PUS10: variants seen among roughly 807,000 people sequenced by gnomAD.
PUS10 encodes the protein pseudouridine synthase 10.
PUS10 carries 59 observed loss-of-function variants against 75.0 expected under a neutral mutation model. The ratio of observed to expected loss-of-function variants is 0.79; its 90% CI spans 0.64 to 0.98. PUS10 has a LOEUF of 0.98. Among genes scored for constraint, PUS10 ranks in the 50% least tolerant of loss-of-function variants. PUS10 has a pLI of 0.00. For missense variants in PUS10, 650 were observed against 614.4 expected (o/e 1.06, Z -0.61); for synonymous variants, 219 against 211.6 (o/e 1.03, Z -0.30).
At chr2:61,005,086 C>G (rs1459588594) in intron 4 of PUS10, among the ~76,000 whole-genome samples, 1 of 152,134 alleles carries the variant, frequency 6.6e-6, no homozygotes, top group African/African-American at 2.4e-5. Context: ...GAAACCCCGT[C>G]TCTACTAAAA....
At chr2:60,976,579 A>G (rs1258938087) in intron 4 of PUS10, among the ~76,000 whole-genome samples, 2 of 152,268 alleles carry the variant, frequency 1.3e-5, no homozygotes, top group Non-Finnish European at 2.9e-5. Flanking sequence ...CATGTGTAAC[A>G]CATGAAATTA....
chr2:60,952,982 G>T lies in PUS10; in HGVS notation c.1308+15C>A. The T allele has an allele frequency of 1.6e-6, 2 of 1,244,280 alleles. No individual in the cohort carries two copies. The highest frequency in any genetic ancestry group is 2.3e-6 in the Non-Finnish European group (2 of 851,830). The allele number at this position is 1,244,280 out of a possible 1,614,324, so 77.1% of individuals were successfully genotyped here. The stretch of plus-strand genomic sequence containing the variant: ...CAGAAAAATGAAATAAAAAGAATAA[G>T]CACACTTAAACTACCTTTATGTCAT... On this transcript the variant is annotated intron_variant, in intron 15 of 17. Coordinates refer to ENST00000316752, the MANE Select transcript of PUS10 (RefSeq NM_144709.4).
At chr2:61,007,858 G>A (rs1018608220) in intron 3 of PUS10, among the ~76,000 whole-genome samples, 9 of 151,592 alleles carry the variant, frequency 5.9e-5, no homozygotes, top group Admixed American at 2.0e-4. Flanking sequence ...CAAGGCGGGC[G>A]GATCACGAGG....
intron 12 of PUS10, among the ~76,000 whole-genome samples, chr2:60,954,693 G>A (rs1675542797): frequency 6.6e-6 from 1 of 152,174 alleles, no homozygotes; most frequent in Admixed American, 6.5e-5. Context: ...AAACTGTACT[G>A]GTCCTTCTGA....
At chr2:60,997,015 G>T (rs143778013) in intron 4 of PUS10, among the ~76,000 whole-genome samples, 3 of 152,186 alleles carry the variant, frequency 2.0e-5, no homozygotes, top group Non-Finnish European at 4.4e-5. Context: ...GGGGAGTCCT[G>T]TTCTAGCTGA....
At position 61,017,692 on chromosome 2, in the gene PUS10, C is replaced by T. The variant is rs571713221; in HGVS notation, c.-16+316G>A. On this transcript the variant is annotated intron_variant, in intron 1 of 17. Transcript: ENST00000316752. The stretch of plus-strand genomic sequence containing the variant: ...TGTTCTGCCCGTTGTGTCTTACGCT[C>T]CAGGTGCTGGTCTACGCGGGCCTGG... The T allele has an allele frequency of 1.2e-3, 1,572 of 1,295,270 alleles. 11 individuals are homozygous for T. The highest frequency in any genetic ancestry group is 1.3e-3 in the Admixed American group (64 of 48,556). 80.2% of individuals were successfully genotyped at this position (1,295,270 alleles called of 1,614,324 possible).
intron 16 of PUS10, among the ~76,000 whole-genome samples, chr2:60,945,897 A>C (rs1260062450): frequency 6.6e-6 from 1 of 152,238 alleles, no homozygotes; most frequent in Non-Finnish European, 1.5e-5. Flanking sequence ...TTTGTTCTAC[A>C]AACCAGCATT....
rs748045413 is a variant in PUS10, at chr2:60,965,052, C to A, written c.723+6G>T. The A allele has an allele frequency of 4.3e-6, 7 of 1,613,314 alleles. No homozygotes were observed. The Admixed American group carries it at 6.7e-5, about 15-fold the overall frequency. ...TCAAGACTAAGAAGCGGGAACCTTT[C>A]CTTACCTGTTTGTTTTTGGCTGGCT... On this transcript the variant is annotated splice_donor_region_variant and intron_variant, in intron 8 of 17. Coordinates refer to ENST00000316752, the MANE Select transcript of PUS10 (RefSeq NM_144709.4).
intron 1 of PUS10, among the ~76,000 whole-genome samples, chr2:61,016,190 C>A (rs947466221): frequency 6.6e-6 from 1 of 152,102 alleles, no homozygotes; most frequent in Admixed American, 6.6e-5. Flanking sequence ...AGTTCCCAAA[C>A]CTGATTGATG....
chr2:60,978,530 T>C (rs1457246549), intron 4 of PUS10, among the ~76,000 whole-genome samples: 1 of 151,936 alleles, frequency 6.6e-6, no homozygotes, highest in Non-Finnish European at 1.5e-5. Flanking sequence ...GGGAAGGTTC[T>C]GGGGACTATG....
At chr2:60,952,457 A>G (rs759108129) in intron 15 of PUS10, among the ~76,000 whole-genome samples, 5 of 152,150 alleles carry the variant, frequency 3.3e-5, no homozygotes, top group Non-Finnish European at 7.4e-5. Flanking sequence ...GTATAGGAAA[A>G]TGTCACATGT....
At position 60,980,993 on chromosome 2, in the gene PUS10, C is replaced by T. The variant is rs576825203; in HGVS notation, c.469-9436G>A. On this transcript the variant is annotated intron_variant, in intron 4 of 17. Transcript: ENST00000316752. ...TGCAACCTCTCCTCCTGGGCTCAAG[C>T]GATTCTCCTGCCTCAGCCTCCTGAG... Among the ~76,000 whole-genome samples the T allele has an allele frequency of 1.8e-3, 279 of 152,040 alleles. 2 individuals are homozygous for T. Among genetic ancestry groups the T allele is most frequent in the African/African-American group, 6.2e-3 (259 of 41,476 alleles).
chr2:60,967,707 G>A, intron 5 of PUS10, 94 bp from the exon 6 acceptor site: 1 of 811,816 alleles, frequency 1.2e-6, no homozygotes, highest in Non-Finnish European at 2.0e-6. Flanking sequence ...AATATTGATT[G>A]AGTGCCTAGT....
chr2:60,957,389 A>T (rs1237682762), intron 11 of PUS10, among the ~76,000 whole-genome samples: 1 of 152,220 alleles, frequency 6.6e-6, no homozygotes, highest in Admixed American at 6.5e-5. Context: ...CATAGCATTT[A>T]TGATGGGTGG....
intron 2 of PUS10, chr2:61,010,715 C>A: frequency 6.7e-7 from 1 of 1,482,646 alleles, no homozygotes; most frequent in Non-Finnish European, 9.2e-7. Context: ...TTCCCATTTA[C>A]AGAGGAGTAA....
chr2:60,974,532 GAGA>G (rs1558923750), intron 4 of PUS10, among the ~76,000 whole-genome samples: 1 of 152,194 alleles, frequency 6.6e-6, no homozygotes, highest in African/African-American at 2.4e-5. Context: ...CACGGGGGAC[GAGA>G]AGGAGAGAAG....
intron 1 of PUS10, among the ~76,000 whole-genome samples, chr2:61,015,268 G>C (rs1282868192): frequency 2.0e-5 from 3 of 152,180 alleles, no homozygotes; most frequent in Non-Finnish European, 2.9e-5. Context: ...GGGAGGCCGA[G>C]GCAGGCATTA....
At chr2:60,963,954 T>A (rs1676186848) in intron 8 of PUS10, among the ~76,000 whole-genome samples, 1 of 152,226 alleles carries the variant, frequency 6.6e-6, no homozygotes, top group African/African-American at 2.4e-5. Context: ...TGTAGATACA[T>A]CTTACAGGTT....
intron 15 of PUS10, among the ~76,000 whole-genome samples, chr2:60,950,049 A>T (rs1675238865): frequency 6.6e-6 from 1 of 152,248 alleles, no homozygotes. Flanking sequence ...AAATTTAAAA[A>T]TTCATTTTGC....
Sources: allele counts gnomAD v4.1 joint callset (sites outside exome capture counted in the v4.1 genomes callset), GRCh38; gene constraint gnomAD v4.1.1; transcripts MANE v1.5; gene names NCBI Gene and HGNC (gene_info 2026-07-23, HGNC 2026-07-21).